The following USP9X variants were observed in gnomAD, a reference collection of about 807,000 sequenced individuals.
USP9X encodes ubiquitin carboxyl-terminal hydrolase 9X.
USP9X carries 7 observed loss-of-function variants against 190.3 expected under a neutral mutation model. The ratio of observed to expected loss-of-function variants is 0.04; its 90% CI spans 0.02 to 0.07. USP9X has a LOEUF of 0.07. USP9X is among the 10% of genes least tolerant of loss of function. The pLI is 1.00. For synonymous variants in USP9X, 645 were observed against 659.5 expected (o/e 0.98, Z 0.34); for missense variants, 1,010 against 1,916.9 (o/e 0.53, Z 8.83).
intron 11 of USP9X, among the ~76,000 whole-genome samples, chrX:41,148,083 C>T (rs756031036): frequency 2.7e-5 from 3 of 111,531 alleles, no homozygotes; most frequent in African/African-American, 3.3e-5. Flanking sequence ...GCATGATAAC[C>T]ATGTTGTATT....
intron 36 of USP9X, among the ~76,000 whole-genome samples, chrX:41,217,552 A>G (rs181116499): frequency 1.8e-5 from 2 of 111,673 alleles, no homozygotes; most frequent in Non-Finnish European, 3.8e-5. Context: ...TTCTGCTTCT[A>G]TTACCTTGTA....
At chrX:41,168,254 A>G (rs1331467414) in intron 18 of USP9X, 36 bp downstream of exon 18, 1 of 1,081,762 alleles carries the variant, frequency 9.2e-7, no homozygotes, top group Non-Finnish European at 1.2e-6. Context: ...GCTAATTCTT[A>G]ATTATTTGAT....
intron 23 of USP9X, among the ~76,000 whole-genome samples, chrX:41,185,448 TG>T (rs1355458356): frequency 9.0e-6 from 1 of 111,577 alleles, no homozygotes; most frequent in African/African-American, 3.3e-5. Flanking sequence ...AAAACAATCC[TG>T]GGGTGGAGAA....
rs977726695 is a variant in USP9X, at chrX:41,184,116, A to G, written c.3267A>G (p.Leu1089=). 5.8e-6 allele frequency: 7 copies of G among 1,203,635 alleles called. No individual in the cohort carries two copies. The African/African-American group carries it at 7.0e-5, about 12-fold the overall frequency. The part of the protein sequence containing the change: ...LFFGPSASQV[L]YLTEVVYALL... ...TTGGTCCTTCAGCCTCACAAGTGCT[A>G]TATCTAACAGAGGTTAGTTTTTGGG... is the stretch of plus-strand genomic sequence containing the variant. Residue 1089 remains leucine (L), a synonymous_variant, in exon 22 of 45, where the codon CTA becomes CTG. Coordinates refer to ENST00000378308, the MANE Select transcript of USP9X (RefSeq NM_001039591.3).
chrX:41,142,670 A>G (rs1449504506), intron 9 of USP9X, among the ~76,000 whole-genome samples: 1 of 111,836 alleles, frequency 8.9e-6, no homozygotes. Context: ...ATCATGAGTT[A>G]GCACTTTATT....
chrX:41,186,098 C>T (rs1409956755), intron 23 of USP9X, among the ~76,000 whole-genome samples: 1 of 110,966 alleles, frequency 9.0e-6, no homozygotes, highest in Non-Finnish European at 1.9e-5. Flanking sequence ...ACTGCTTTTT[C>T]AGTATTCCTT....
Position 41,184,185 on chromosome X carries a change from A to G in USP9X, c.3279+57A>G, listed in dbSNP as rs754853329. ...TTTCTTTGTTTTTCCTTTTAAATTT[A>G]TTCTGTGTTCTTTAAATTTGACCTT... is the stretch of plus-strand genomic sequence containing the variant. On this transcript the variant is annotated intron_variant, in intron 22 of 44. Transcript: ENST00000378308. 978 of 1,126,851 alleles carry G rather than the reference A, an allele frequency of 8.7e-4. 3 individuals carry two copies. The African/African-American group carries it at 0.014, about 17-fold the overall frequency. The allele number at this position is 1,126,851 out of a possible 1,213,427, so 92.9% of individuals were successfully genotyped here.
At chrX:41,197,546 A>G (rs757958916) in intron 29 of USP9X, 36 bp downstream of exon 29, 1 of 1,148,548 alleles carries the variant, frequency 8.7e-7, no homozygotes, top group Non-Finnish European at 1.2e-6. Context: ...GCTACATATC[A>G]TAACCTTCTA....
chrX:41,162,467 T>C (rs943585971), intron 14 of USP9X, among the ~76,000 whole-genome samples: 1 of 112,490 alleles, frequency 8.9e-6, no homozygotes, highest in Non-Finnish European at 1.9e-5. Flanking sequence ...GTCTTCCTTA[T>C]CAGTTCATAG....
At chrX:41,156,486 T>C (rs2062580169) in intron 14 of USP9X, among the ~76,000 whole-genome samples, 1 of 112,089 alleles carries the variant, frequency 8.9e-6, no homozygotes. Context: ...ATTCAGTGCC[T>C]GCTTGTAGGA....
intron 26 of USP9X, among the ~76,000 whole-genome samples, chrX:41,193,945 G>A (rs903434668): frequency 3.6e-5 from 4 of 112,087 alleles, no homozygotes; most frequent in East Asian, 2.8e-4. Flanking sequence ...GGGTATTCAC[G>A]AGCATCAACT....
intron 32 of USP9X, among the ~76,000 whole-genome samples, chrX:41,208,415 G>A (rs763584127): frequency 1.8e-5 from 2 of 111,557 alleles, no homozygotes; most frequent in Non-Finnish European, 3.8e-5. Context: ...TCAGTTACTC[G>A]CTGTGCTAGT....
chrX:41,102,216 A>G (rs2062039370), intron 1 of USP9X, among the ~76,000 whole-genome samples: 1 of 112,346 alleles, frequency 8.9e-6, no homozygotes, highest in African/African-American at 3.2e-5. Context: ...TTGATTAAAC[A>G]TAATTTGAAA....
intron 1 of USP9X, among the ~76,000 whole-genome samples, chrX:41,099,328 C>T (rs746885761): frequency 1.1e-3 from 124 of 109,828 alleles, no homozygotes; most frequent in Middle Eastern, 4.7e-3. Context: ...TGGTCTTTTG[C>T]TGCATATCCA....
Position 41,197,352 on chromosome X carries a change from C to CCCCCCCGGG in USP9X, c.4234-12_4234-11insCCCCCCGGG. The CCCCCCCGGG allele has an allele frequency of 4.0e-6, 4 of 988,165 alleles. No homozygotes were observed. Among genetic ancestry groups the CCCCCCCGGG allele is most frequent in the South Asian group, 3.4e-5 (1 of 29,418 alleles). The allele number at this position is 988,165 out of a possible 1,213,427, so 81.4% of individuals were successfully genotyped here. The stretch of plus-strand genomic sequence containing the variant: ...TTCTTCCCCCCCCCACCCCACCCCC[C>CCCCCCCGGG]GCCTTTGGCAGGATGATGTTAAAAG... On this transcript the variant is annotated splice_polypyrimidine_tract_variant and intron_variant, in intron 28 of 44. Coordinates refer to ENST00000378308, the MANE Select transcript of USP9X (RefSeq NM_001039591.3).
Position 41,140,745 on chromosome X carries a change from C to T in USP9X, c.744C>T (p.Asn248=). ...HDRFINGSAL[N]VQIIAALIKP... Reference sequence around the variant, plus strand: ...GTTTTATTAATGGATCAGCATTAAACGTTCAAATAATTGCAGCCCTTATTA... The same window carrying T: ...GTTTTATTAATGGATCAGCATTAAATGTTCAAATAATTGCAGCCCTTATTA... Residue 248 remains asparagine (N), a synonymous_variant, in exon 7 of 45, where the codon AAC becomes AAT. Coordinates refer to ENST00000378308, the MANE Select transcript of USP9X (RefSeq NM_001039591.3). 13 of 1,200,495 alleles carry T rather than the reference C, an allele frequency of 1.1e-5. No homozygotes were observed. The highest frequency in any genetic ancestry group is 3.0e-5 in the East Asian group (1 of 33,527).
At chrX:41,183,063 C>T (rs1052053360) in intron 21 of USP9X, among the ~76,000 whole-genome samples, 1 of 109,453 alleles carries the variant, frequency 9.1e-6, no homozygotes, top group Non-Finnish European at 1.9e-5. Flanking sequence ...CTCAGCGTCC[C>T]GAATAGCTGG....
intron 1 of USP9X, among the ~76,000 whole-genome samples, chrX:41,091,316 A>G (rs2061953888): frequency 8.9e-6 from 1 of 112,044 alleles, no homozygotes; most frequent in African/African-American, 3.2e-5. Context: ...TGGCTTTAGG[A>G]ATAGCTGTAC....
chrX:41,185,977 T>G (rs1325127585), intron 23 of USP9X, among the ~76,000 whole-genome samples: 2 of 111,442 alleles, frequency 1.8e-5, no homozygotes, highest in Non-Finnish European at 3.8e-5. Context: ...TTGAAGGCAG[T>G]CAGAATTACC....
Sources: gnomAD v4.1 joint callset for allele counts (sites outside exome capture counted in the v4.1 genomes callset) on GRCh38, gnomAD v4.1.1 for gene constraint, MANE v1.5 for transcripts, NCBI Gene and HGNC (gene_info 2026-07-23, HGNC 2026-07-21) for gene names.